CDKAL1: variants seen among roughly 807,000 people sequenced by gnomAD.
The protein encoded by CDKAL1 is threonylcarbamoyladenosine tRNA methylthiotransferase.
In CDKAL1, 32 loss-of-function variants were observed where a neutral mutation model predicts 68.2. The ratio of observed to expected loss-of-function variants is 0.47; its 90% CI spans 0.35 to 0.63. The LOEUF (loss-of-function observed/expected upper bound fraction) is 0.63. Among genes scored for constraint, CDKAL1 ranks in the 30% least tolerant of loss-of-function variants. The probability of loss-of-function intolerance (pLI) is 0.00; values close to 1 mark genes in which losing one functional copy is unlikely to be tolerated. For synonymous variants in CDKAL1, 234 were observed against 244.3 expected, an observed-to-expected ratio of 0.96 and a Z score of 0.39; for missense variants, 606 against 696.7, an observed-to-expected ratio of 0.87 and a Z score of 1.47.
chr6:20,644,416 G>A (rs540634884), intron 4 of CDKAL1, among the ~76,000 whole-genome samples: 16 of 152,192 alleles, frequency 1.1e-4, no homozygotes, highest in African/African-American at 3.6e-4. Context: ...GGTGGCTCAC[G>A]CCTTTAATCC....
intron 7 of CDKAL1, chr6:20,772,850 C>T (rs1166538699): frequency 1.3e-5 from 2 of 152,162 alleles, no homozygotes; most frequent in East Asian, 1.9e-4. Flanking sequence ...GCCTCCTCCC[C>T]AGTCCACCAG....
chr6:20,657,666 C>T (rs147099999), intron 5 of CDKAL1, among the ~76,000 whole-genome samples: 205 of 152,288 alleles, frequency 1.3e-3, no homozygotes, highest in African/African-American at 4.7e-3. Context: ...GCATTTGTGA[C>T]ATGACAGTTA....
At chr6:21,030,138 C>T (rs1769193807) in intron 11 of CDKAL1, among the ~76,000 whole-genome samples, 1 of 152,164 alleles carries the variant, frequency 6.6e-6, no homozygotes, top group African/African-American at 2.4e-5. Flanking sequence ...CCATGGAATA[C>T]TGTGCAGCCA....
At chr6:20,764,984 T>G (rs963043805) in intron 7 of CDKAL1, among the ~76,000 whole-genome samples, 17 of 152,144 alleles carry the variant, frequency 1.1e-4, no homozygotes, top group African/African-American at 3.9e-4. Flanking sequence ...CATGATAACT[T>G]CTACCTTCTA....
At chr6:21,223,894 G>A (rs1247884366) in intron 15 of CDKAL1, among the ~76,000 whole-genome samples, 1 of 152,154 alleles carries the variant, frequency 6.6e-6, no homozygotes, top group Non-Finnish European at 1.5e-5. Context: ...GCAGAGGCTC[G>A]GCCGTGGAGG....
At chr6:21,179,591 C>CA (rs1777714802) in intron 13 of CDKAL1, among the ~76,000 whole-genome samples, 2 of 152,112 alleles carry the variant, frequency 1.3e-5, no homozygotes, top group Non-Finnish European at 2.9e-5. Context: ...TATATTTGTA[C>CA]AAAAATCAGA....
chr6:20,832,848 C>T (rs1207345031), intron 8 of CDKAL1, among the ~76,000 whole-genome samples: 2 of 152,006 alleles, frequency 1.3e-5, no homozygotes, highest in African/African-American at 2.4e-5. Context: ...AGAAGTATAC[C>T]TTAATCCAGT....
Position 21,216,690 on chromosome 6 carries a change from A to G in CDKAL1, c.1549-14158A>G, listed in dbSNP as rs1779349244. Among the ~76,000 whole-genome samples, 2 of 152,114 alleles carry G rather than the reference A, an allele frequency of 1.3e-5. 1 individual carries two copies. The highest frequency in any genetic ancestry group is 4.8e-5 in the African/African-American group (2 of 41,420). ...GAGATTCTTAGGGGACTGCTTGGAG[A>G]GTTAATGTTTGCAGGAAGCCCACCC... is the stretch of plus-strand genomic sequence containing the variant. On this transcript the variant is annotated intron_variant, in intron 15 of 15. Coordinates refer to ENST00000274695, the MANE Select transcript of CDKAL1 (RefSeq NM_017774.3).
chr6:20,889,733 C>G (rs1010819082), intron 9 of CDKAL1, among the ~76,000 whole-genome samples: 1 of 152,080 alleles, frequency 6.6e-6, no homozygotes, highest in African/African-American at 2.4e-5. Flanking sequence ...TGTTTTGGTA[C>G]CAGTAACATG....
chr6:20,977,846 C>G (rs1003446026), intron 10 of CDKAL1, among the ~76,000 whole-genome samples: 1 of 152,046 alleles, frequency 6.6e-6, no homozygotes, highest in African/African-American at 2.4e-5. Flanking sequence ...CCACTGCACT[C>G]CAGCCTGAGC....
rs1421174227 is a variant in CDKAL1, at chr6:21,188,809, C to T, written c.1300-9212C>T. On this transcript the variant is annotated intron_variant, in intron 13 of 15. Transcript: ENST00000274695. ...TAGATTTCATGTTATATGTTCTTACCACAATTTTTTTTTTTAATTCCACAA... is the reference window on the plus strand; with the variant it reads ...TAGATTTCATGTTATATGTTCTTACTACAATTTTTTTTTTTAATTCCACAA... Among the ~76,000 whole-genome samples, 7 of 151,948 alleles carry T rather than the reference C, an allele frequency of 4.6e-5. No homozygotes were observed. In the East Asian group the frequency reaches 1.4e-3, roughly 29 times the overall value.
intron 13 of CDKAL1, among the ~76,000 whole-genome samples, chr6:21,176,962 G>T (rs1264070698): frequency 6.6e-6 from 1 of 152,116 alleles, no homozygotes; most frequent in Non-Finnish European, 1.5e-5. Context: ...CTCCCAAAGT[G>T]CTGGGATTAC....
intron 12 of CDKAL1, among the ~76,000 whole-genome samples, chr6:21,068,049 TACCAGTTGG>T (rs1411212951): frequency 1.0e-4 from 2 of 19,076 alleles, no homozygotes; most frequent in Non-Finnish European, 1.9e-4. Context: ...CCTGTTGGTT[TACCAGTTGG>T]ATTTACAACC....
At chr6:20,594,493 A>T (rs1370659826) in intron 4 of CDKAL1, among the ~76,000 whole-genome samples, 1 of 151,840 alleles carries the variant, frequency 6.6e-6, no homozygotes, top group Non-Finnish European at 1.5e-5. Context: ...AGAGACTAGG[A>T]TTGCAACCTC....
intron 8 of CDKAL1, among the ~76,000 whole-genome samples, chr6:20,786,238 T>C (rs1234880220): frequency 6.6e-6 from 1 of 151,938 alleles, no homozygotes; most frequent in Non-Finnish European, 1.5e-5. Context: ...ATAAATAAAA[T>C]AAAACAAAAC....
intron 13 of CDKAL1, among the ~76,000 whole-genome samples, chr6:21,160,290 C>CT (rs566356597): frequency 3.9e-4 from 59 of 151,720 alleles, no homozygotes; most frequent in African/African-American, 1.4e-3. Context: ...TAAAGATTTT[C>CT]TTTTTTTTCT....
chr6:20,948,379 G>C (rs1193523313), intron 9 of CDKAL1, among the ~76,000 whole-genome samples: 1 of 152,066 alleles, frequency 6.6e-6, no homozygotes, highest in African/African-American at 2.4e-5. Flanking sequence ...TTAAAAATCT[G>C]AACTTTTATT....
At chr6:20,821,714 G>T (rs1290859364) in intron 8 of CDKAL1, among the ~76,000 whole-genome samples, 4 of 152,064 alleles carry the variant, frequency 2.6e-5, no homozygotes, top group African/African-American at 9.7e-5. Context: ...GAGGAGGTGA[G>T]AGGAGATGTA....
intron 8 of CDKAL1, among the ~76,000 whole-genome samples, chr6:20,791,097 G>A (rs1775880263): frequency 6.6e-6 from 1 of 152,080 alleles, no homozygotes; most frequent in African/African-American, 2.4e-5. Flanking sequence ...TTGAAAGTGG[G>A]GTTTCACTGG....
Sources: gnomAD v4.1 joint callset for allele counts (sites outside exome capture counted in the v4.1 genomes callset) on GRCh38, gnomAD v4.1.1 for gene constraint, MANE v1.5 for transcripts, NCBI Gene and HGNC (gene_info 2026-07-23, HGNC 2026-07-21) for gene names.